CYP2C19: variants seen among roughly 807,000 people sequenced by gnomAD.
The protein encoded by CYP2C19 is cytochrome P450 family 2 subfamily C member 19.
A neutral mutation model predicts 40.9 loss-of-function variants in CYP2C19; 59 were observed. The ratio of observed to expected loss-of-function variants is 1.44; its 90% CI spans 1.17 to 1.79. CYP2C19 has a LOEUF of 1.79. CYP2C19 is among the 40% of genes most tolerant of loss of function. CYP2C19 has a pLI of 0.00. For synonymous variants in CYP2C19, 253 were observed against 208.7 expected, an observed-to-expected ratio of 1.21 and a Z score of -1.83; for missense variants, 754 against 596.9, an observed-to-expected ratio of 1.26 and a Z score of -2.74.
At chr10:94,810,323 C>T (rs550491506) in intron 5 of CYP2C19, among the ~76,000 whole-genome samples, 130 of 152,190 alleles carry the variant, frequency 8.5e-4, no homozygotes, top group African/African-American at 2.9e-3. Flanking sequence ...ATGTTCATCA[C>T]GGATATTGGC....
intron 6 of CYP2C19, among the ~76,000 whole-genome samples, chr10:94,824,506 A>G (rs1410328398): frequency 6.6e-6 from 1 of 152,196 alleles, no homozygotes; most frequent in Non-Finnish European, 1.5e-5. Flanking sequence ...ACACAAGCAC[A>G]GCTGCACAAA....
chr10:94,836,163 C>T (rs527356720), intron 6 of CYP2C19, among the ~76,000 whole-genome samples: 8 of 152,344 alleles, frequency 5.3e-5, no homozygotes, highest in Admixed American at 2.6e-4. Flanking sequence ...TGTCTGACAG[C>T]CACAAGTCTC....
chr10:94,847,126 T>A (rs1356884949), intron 7 of CYP2C19, among the ~76,000 whole-genome samples: 2 of 152,030 alleles, frequency 1.3e-5, no homozygotes, highest in African/African-American at 4.8e-5. Context: ...GTGCACAACG[T>A]GCAGGTTAGT....
intron 7 of CYP2C19, 102 bp downstream of exon 7, chr10:94,843,126 A>G: frequency 7.1e-7 from 1 of 1,413,830 alleles, no homozygotes; most frequent in Admixed American, 1.7e-5. Context: ...GAAGTGCATT[A>G]CTCCTATGTA....
At chr10:94,764,739 C>T (rs555559722) in intron 1 of CYP2C19, among the ~76,000 whole-genome samples, 50 of 152,218 alleles carry the variant, frequency 3.3e-4, no homozygotes, top group African/African-American at 1.1e-3. Flanking sequence ...ATTTGTAAGA[C>T]CATCTGTAGC....
In CYP2C19 at chr10:94,850,046, C is replaced by G; in HGVS notation, c.1279C>G (p.Pro427Ala). The G allele has an allele frequency of 6.2e-7, 1 of 1,613,376 alleles. No homozygotes were observed. The highest frequency in any genetic ancestry group is 1.1e-5 in the South Asian group (1 of 91,060). The change falls in exon 8 of 9, where the codon CCT becomes GCT. Residue 427 changes from proline (P) to alanine (A), a missense_variant. By Grantham distance (27) the Pro-to-Ala change is conservative. Coordinates refer to ENST00000371321, the MANE Select transcript of CYP2C19 (RefSeq NM_000769.4). ...GNFKKSNYFM[P>A]FSAGKRICVG... Reference sequence around the variant, plus strand: ...TTTTAAGAAAAGTAACTACTTCATGCCTTTCTCAGCAGGTAATATAAATTT... The same window carrying G: ...TTTTAAGAAAAGTAACTACTTCATGGCTTTCTCAGCAGGTAATATAAATTT...
At chr10:94,765,543 G>A (rs111579015) in intron 1 of CYP2C19, among the ~76,000 whole-genome samples, 5 of 151,958 alleles carry the variant, frequency 3.3e-5, no homozygotes, top group Admixed American at 2.6e-4. Flanking sequence ...GAGTGGCTCC[G>A]TGTGTTCTAT....
At chr10:94,764,920 C>A (rs1848220110) in intron 1 of CYP2C19, among the ~76,000 whole-genome samples, 1 of 152,040 alleles carries the variant, frequency 6.6e-6, no homozygotes, top group African/African-American at 2.4e-5. Flanking sequence ...ATTTCAGAAG[C>A]CATTTCCTGT....
At chr10:94,763,041 T>C (rs535065829) in intron 1 of CYP2C19, among the ~76,000 whole-genome samples, 168 bp downstream of exon 1, 20 of 152,316 alleles carry the variant, frequency 1.3e-4, no homozygotes, top group Admixed American at 1.3e-3. Context: ...AATAGTGGAA[T>C]GAAATAATAT....
chr10:94,832,948 T>C (rs1316907352), intron 6 of CYP2C19, among the ~76,000 whole-genome samples: 1 of 152,200 alleles, frequency 6.6e-6, no homozygotes, highest in Non-Finnish European at 1.5e-5. Context: ...CTCAGTGCTT[T>C]ATAGTTTTCA....
At chr10:94,812,354 G>A (rs1363831071) in intron 5 of CYP2C19, among the ~76,000 whole-genome samples, 1 of 151,642 alleles carries the variant, frequency 6.6e-6, no homozygotes, top group Admixed American at 6.6e-5. Flanking sequence ...ATGTGTCTTG[G>A]GGTTGCCCTT....
At chr10:94,843,907 G>T (rs1362950364) in intron 7 of CYP2C19, among the ~76,000 whole-genome samples, 1 of 152,000 alleles carries the variant, frequency 6.6e-6, no homozygotes, top group Non-Finnish European at 1.5e-5. Context: ...AGTAGATTTT[G>T]GTAGAAATTC....
chr10:94,774,277 T>G (rs920291547), intron 1 of CYP2C19: 4 of 152,134 alleles, frequency 2.6e-5, no homozygotes, highest in African/African-American at 9.7e-5. Flanking sequence ...TTAATGAGAA[T>G]AGCCATGATA....
At position 94,852,869 on chromosome 10, in the gene CYP2C19, T is replaced by G; in HGVS notation, c.1428T>G (p.Phe476Leu). 1.9e-6 allele frequency: 3 copies of G among 1,614,080 alleles called. No individual in the cohort carries two copies. The highest frequency in any genetic ancestry group is 2.5e-6 in the Non-Finnish European group (3 of 1,179,972). ...ACACAACTCCTGTTGTCAATGGATT[T>G]GCTTCTGTCCCGCCCTTCTATCAGC... Reference protein sequence around the residue: ...DLDTTPVVNGFASVPPFYQLC... With the variant: ...DLDTTPVVNGLASVPPFYQLC... Residue 476 changes from phenylalanine to leucine, a missense_variant, in exon 9 of 9, where the codon TTT (phenylalanine) becomes TTG (leucine). Coordinates refer to ENST00000371321, the MANE Select transcript of CYP2C19 (RefSeq NM_000769.4).
chr10:94,834,125 A>G (rs1450977213), intron 6 of CYP2C19, among the ~76,000 whole-genome samples: 1 of 152,126 alleles, frequency 6.6e-6, no homozygotes, highest in Non-Finnish European at 1.5e-5. Flanking sequence ...GAAGCCATCA[A>G]GTCTTGGGGT....
chr10:94,786,946 C>A (rs1012746649), intron 5 of CYP2C19, among the ~76,000 whole-genome samples: 1 of 151,648 alleles, frequency 6.6e-6, no homozygotes, highest in East Asian at 1.9e-4. Context: ...GTGAATAGTG[C>A]AGAGATGGAC....
chr10:94,779,741 A>G (rs1463531851), intron 3 of CYP2C19, among the ~76,000 whole-genome samples: 3 of 151,606 alleles, frequency 2.0e-5, no homozygotes, highest in Non-Finnish European at 4.4e-5. Flanking sequence ...TTGCATCCTT[A>G]GCAGAGATGG....
In CYP2C19 at chr10:94,771,901, G is replaced by A. The variant is rs572996419; in HGVS notation, c.169-3157G>A. Among the ~76,000 whole-genome samples, 10 of 152,176 alleles carry A rather than the reference G, an allele frequency of 6.6e-5. No individual in the cohort carries two copies. The South Asian group carries it at 1.0e-3, about 16-fold the overall frequency. On this transcript the variant is annotated intron_variant, in intron 1 of 8. Coordinates refer to ENST00000371321, the MANE Select transcript of CYP2C19 (RefSeq NM_000769.4). Reference sequence around the variant, plus strand: ...ACCAGAAGGAGGACTGAGGAAGGTCGGATTTAGTGGCCCTTACCAATGCAT... The same window carrying A: ...ACCAGAAGGAGGACTGAGGAAGGTCAGATTTAGTGGCCCTTACCAATGCAT...
intron 5 of CYP2C19, among the ~76,000 whole-genome samples, chr10:94,784,545 C>T (rs965192381): frequency 3.9e-5 from 6 of 152,042 alleles, no homozygotes; most frequent in Non-Finnish European, 7.4e-5. Flanking sequence ...CACATAGTTG[C>T]TAATACTTGT....
Sources: gnomAD v4.1 joint callset for allele counts (sites outside exome capture counted in the v4.1 genomes callset) on GRCh38, gnomAD v4.1.1 for gene constraint, MANE v1.5 for transcripts, NCBI Gene and HGNC (gene_info 2026-07-23, HGNC 2026-07-21) for gene names.